The following ITGB5 variants were observed in gnomAD, a reference collection of about 807,000 sequenced individuals.
ITGB5 encodes the protein integrin subunit beta 5, also known as integrin beta-5.
In ITGB5, 38 loss-of-function variants were observed where a neutral mutation model predicts 84.8. The observed-to-expected ratio is 0.45, with a 90% CI of 0.35 to 0.59. ITGB5 has a LOEUF of 0.59. ITGB5 is among the 20% of genes least tolerant of loss of function. ITGB5 has a pLI of 0.01. For synonymous variants in ITGB5, 393 were observed against 414.4 expected (o/e 0.95, Z 0.63); for missense variants, 905 against 1,034.5 (o/e 0.87, Z 1.72).
At chr3:124,835,208 C>T (rs545073307) in intron 5 of ITGB5, among the ~76,000 whole-genome samples, 1 of 152,312 alleles carries the variant, frequency 6.6e-6, no homozygotes, top group African/African-American at 2.4e-5. Context: ...AGCCAGTTCC[C>T]ACCGCTCAAC....
At chr3:124,887,547 G>C (rs1934885392), upstream of ITGB5, 1 of 263,894 alleles carries the variant, frequency 3.8e-6, no homozygotes, top group Non-Finnish European at 8.0e-6. Context: ...TGCGGGGACC[G>C]GCCCGGGACG....
chr3:124,776,159 C>A (rs895432277), intron 10 of ITGB5, among the ~76,000 whole-genome samples: 1 of 152,238 alleles, frequency 6.6e-6, no homozygotes, highest in African/African-American at 2.4e-5. Context: ...CAGTGTCTCG[C>A]AGCTCAAGGG....
intron 5 of ITGB5, among the ~76,000 whole-genome samples, chr3:124,822,901 A>G (rs79238561): frequency 2.0e-5 from 3 of 152,170 alleles, no homozygotes; most frequent in African/African-American, 7.2e-5. Flanking sequence ...GGAGAGGAGG[A>G]GGAGGGAGAG....
At chr3:124,859,761 G>A (rs1243728589) in intron 2 of ITGB5, among the ~76,000 whole-genome samples, 1 of 152,180 alleles carries the variant, frequency 6.6e-6, no homozygotes, top group East Asian at 1.9e-4. Context: ...GAAATGATCA[G>A]AAGTTGTATA....
intron 3 of ITGB5, among the ~76,000 whole-genome samples, chr3:124,850,955 G>A (rs2065144067): frequency 6.6e-6 from 1 of 152,208 alleles, no homozygotes; most frequent in Non-Finnish European, 1.5e-5. Flanking sequence ...GACAGAGCCT[G>A]CAATCCTATT....
At chr3:124,810,948 G>A (rs2064491651) in intron 8 of ITGB5, among the ~76,000 whole-genome samples, 1 of 132,784 alleles carries the variant, frequency 7.5e-6, no homozygotes, top group Non-Finnish European at 1.5e-5. Context: ...CTTTTTTGCT[G>A]AGCATATAGT....
chr3:124,828,009 C>A (rs755079205), intron 5 of ITGB5, among the ~76,000 whole-genome samples: 1 of 150,680 alleles, frequency 6.6e-6, no homozygotes, highest in Non-Finnish European at 1.5e-5. Context: ...CAGCTCCCTT[C>A]GCTGACTCTC....
At chr3:124,865,517 C>T (rs1203548207) in intron 2 of ITGB5, among the ~76,000 whole-genome samples, 2 of 111,928 alleles carry the variant, frequency 1.8e-5, no homozygotes, top group African/African-American at 3.6e-5. Flanking sequence ...GACTGGGTCT[C>T]GCTCTGTCGT....
intron 6 of ITGB5, 126 bp from the exon 7 acceptor site, chr3:124,819,960 A>G (rs1579248305): frequency 4.0e-6 from 3 of 748,206 alleles, no homozygotes; most frequent in Non-Finnish European, 7.3e-6. Context: ...GTGGCCCCTT[A>G]GAGTCCCTTA....
At chr3:124,778,433 G>T (rs1341899877) in intron 10 of ITGB5, among the ~76,000 whole-genome samples, 1 of 152,206 alleles carries the variant, frequency 6.6e-6, no homozygotes, top group African/African-American at 2.4e-5. Context: ...GGGCAGGCTG[G>T]GAGGCAGAAG....
intron 10 of ITGB5, among the ~76,000 whole-genome samples, chr3:124,774,795 C>T (rs1017936986): frequency 1.3e-5 from 2 of 152,040 alleles, no homozygotes; most frequent in African/African-American, 4.8e-5. Context: ...ACAGCAGCAG[C>T]AGCAGCAGCA....
chr3:124,848,531 A>C lies in ITGB5; in HGVS notation c.389T>G (p.Val130Gly). 6.2e-7 allele frequency: 1 copy of C among 1,613,376 alleles called. No homozygotes were observed. Among genetic ancestry groups the C allele is most frequent in the Non-Finnish European group, 8.5e-7 (1 of 1,179,868 alleles). Reference sequence around the variant, plus strand: ...CACAGGATAGTCCTCCACCTGGCGAACCTGTAGCTGGAAGGTGGTCTTGTC... The same window carrying C: ...CACAGGATAGTCCTCCACCTGGCGACCCTGTAGCTGGAAGGTGGTCTTGTC... The part of the protein sequence containing the change: ...PGDKTTFQLQ[V>G]RQVEDYPVDL... Residue 130 changes from valine to glycine, a missense_variant, in exon 4 of 15, where the codon GTT becomes GGT. Transcript: ENST00000296181.
intron 10 of ITGB5, among the ~76,000 whole-genome samples, chr3:124,774,300 T>TAA (rs1336433269): frequency 4.6e-5 from 7 of 152,202 alleles, no homozygotes; most frequent in African/African-American, 1.7e-4. Context: ...CAGATGAGAT[T>TAA]AAGTTAAGGA....
chr3:124,883,687 C>T (rs1445426124), intron 1 of ITGB5, among the ~76,000 whole-genome samples: 1 of 152,138 alleles, frequency 6.6e-6, no homozygotes, highest in Non-Finnish European at 1.5e-5. Flanking sequence ...GAAGAACATT[C>T]GATTGCTTTT....
At chr3:124,783,075 G>C (rs2064027991) in intron 10 of ITGB5, among the ~76,000 whole-genome samples, 1 of 151,882 alleles carries the variant, frequency 6.6e-6, no homozygotes, top group Non-Finnish European at 1.5e-5. Flanking sequence ...TGGATCACTT[G>C]AGGTCAGGAG....
intron 10 of ITGB5, among the ~76,000 whole-genome samples, chr3:124,779,395 TG>T (rs2063970197): frequency 6.6e-6 from 1 of 151,914 alleles, no homozygotes; most frequent in Admixed American, 6.6e-5. Context: ...GACCTGGGTG[TG>T]GGAGGCCTCC....
In ITGB5 at chr3:124,763,406, G is replaced by A. The variant is rs561662472; in HGVS notation, c.*217C>T. The A allele has an allele frequency of 7.6e-6, 3 of 395,128 alleles. No individual in the cohort carries two copies. Among genetic ancestry groups the A allele is most frequent in the Non-Finnish European group, 1.4e-5 (3 of 217,498 alleles). 24.5% of individuals were successfully genotyped at this position (395,128 alleles called of 1,614,324 possible). A position where few individuals can be genotyped will look rare whatever the true frequency, so the allele number is the denominator to read the frequency against. ...GGTCCCCTTGCTTTATCCCAAGCTCGGAGGGACGCAGCCTGGCATGGCTCT... is the reference window on the plus strand; with the variant it reads ...GGTCCCCTTGCTTTATCCCAAGCTCAGAGGGACGCAGCCTGGCATGGCTCT... On this transcript the variant is annotated 3_prime_UTR_variant, in exon 15 of 15. Coordinates refer to ENST00000296181, the MANE Select transcript of ITGB5 (RefSeq NM_002213.5).
chr3:124,807,416 CAAAT>C (rs879907993), intron 9 of ITGB5, among the ~76,000 whole-genome samples: 4 of 151,162 alleles, frequency 2.6e-5, no homozygotes, highest in Non-Finnish European at 5.9e-5. Flanking sequence ...ACTCTCTCTC[CAAAT>C]AAATAAATAA....
At chr3:124,764,773 G>A (rs548539908) in intron 13 of ITGB5, among the ~76,000 whole-genome samples, 3 of 152,372 alleles carry the variant, frequency 2.0e-5, no homozygotes, top group Admixed American at 6.5e-5. Context: ...GTGTGGCAAA[G>A]TCTAGATGAG....
Sources: gnomAD v4.1 joint callset for allele counts (sites outside exome capture counted in the v4.1 genomes callset) on GRCh38, gnomAD v4.1.1 for gene constraint, MANE v1.5 for transcripts, NCBI Gene and HGNC (gene_info 2026-07-23, HGNC 2026-07-21) for gene names.